NR4A3: variants seen among roughly 807,000 people sequenced by gnomAD.
The protein encoded by NR4A3 is nuclear receptor subfamily 4 group A member 3, also known as chondrosarcoma, extraskeletal myxoid, fused to EWS.
In NR4A3, 13 loss-of-function variants were observed where a neutral mutation model predicts 55.6. The ratio of observed to expected loss-of-function variants is 0.23; its 90% CI spans 0.15 to 0.37. The LOEUF (loss-of-function observed/expected upper bound fraction) is 0.37, where lower values mean the gene tolerates loss of function less well. Among genes scored for constraint, NR4A3 ranks in the 10% least tolerant of loss-of-function variants. The pLI, the probability that NR4A3 is intolerant of heterozygous loss-of-function variation, is 1.00. For synonymous variants in NR4A3, 342 were observed against 357.9 expected, an observed-to-expected ratio of 0.96 and a Z score of 0.50; for missense variants, 646 against 822.8, an observed-to-expected ratio of 0.79 and a Z score of 2.63.
intron 5 of NR4A3, among the ~76,000 whole-genome samples, chr9:99,838,831 C>A (rs543208205): frequency 1.3e-5 from 2 of 152,322 alleles, no homozygotes; most frequent in South Asian, 4.1e-4. Context: ...TTGGATGATT[C>A]TTTGGCACAC....
chr9:99,827,290 G>GTGTA (rs1554690807), intron 2 of NR4A3, among the ~76,000 whole-genome samples: 228 of 139,096 alleles, frequency 1.6e-3, no homozygotes, highest in African/African-American at 5.5e-3. Context: ...GTGTGTGTGT[G>GTGTA]TATATATATA....
chr9:99,841,942 C>T (rs1043070506), intron 5 of NR4A3, among the ~76,000 whole-genome samples: 5 of 152,012 alleles, frequency 3.3e-5, no homozygotes, highest in Non-Finnish European at 7.4e-5. Context: ...TGCACTCCAG[C>T]CTGAGGAACA....
At position 99,828,860 on chromosome 9, in the gene NR4A3, A is replaced by G; in HGVS notation, c.818A>G (p.Glu273Gly). ...CCTACCGCGTCCAGCCTGCTGGGCGAGAGTCCCAGCCTGCCGTCGCCGCCC... is the reference window on the plus strand; with the variant it reads ...CCTACCGCGTCCAGCCTGCTGGGCGGGAGTCCCAGCCTGCCGTCGCCGCCC... Reference protein sequence around the residue: ...PSPTASSLLGESPSLPSPPSR... With the variant: ...PSPTASSLLGGSPSLPSPPSR... The change falls in exon 3 of 8, where the codon GAG (glutamate) becomes GGG (glycine). Residue 273 changes from glutamate to glycine, a missense_variant. Coordinates refer to ENST00000395097, the MANE Select transcript of NR4A3 (RefSeq NM_006981.4). This position sits in a 1 kb window ranked among gnomAD's most constrained non-coding sequence, Gnocchi z 7.7. The G allele has an allele frequency of 1.3e-6, 2 of 1,497,974 alleles. No individual in the cohort carries two copies. Among genetic ancestry groups the G allele is most frequent in the Non-Finnish European group, 8.9e-7 (1 of 1,128,100 alleles). The allele number at this position is 1,497,974 out of a possible 1,614,324, so 92.8% of individuals were successfully genotyped here. A position where few individuals can be genotyped will look rare whatever the true frequency, so the allele number is the denominator to read the frequency against.
At chr9:99,826,534 G>T (rs1385894584) in intron 2 of NR4A3, among the ~76,000 whole-genome samples, 1 of 152,212 alleles carries the variant, frequency 6.6e-6, no homozygotes, top group Non-Finnish European at 1.5e-5. Flanking sequence ...AATCCTAGAG[G>T]TGCTGAAGGG....
At chr9:99,835,125 T>G (rs922517267) in intron 5 of NR4A3, 1 of 162,456 alleles carries the variant, frequency 6.2e-6, no homozygotes, top group African/African-American at 2.4e-5. Flanking sequence ...ACAATTATAC[T>G]TGTCAAAGCT....
chr9:99,860,128 C>T (rs1337646985), intron 7 of NR4A3, among the ~76,000 whole-genome samples: 1 of 152,054 alleles, frequency 6.6e-6, no homozygotes, highest in African/African-American at 2.4e-5. Flanking sequence ...TTCTTTCACC[C>T]TTCTCTATAT....
intron 6 of NR4A3, 141 bp downstream of exon 6, chr9:99,844,989 G>A (rs940165943): frequency 1.3e-5 from 9 of 715,374 alleles, no homozygotes; most frequent in South Asian, 7.1e-5. Flanking sequence ...ACTGAGCAGC[G>A]AGTCACGGAG....
chr9:99,838,599 C>T (rs1827600196), intron 5 of NR4A3, among the ~76,000 whole-genome samples: 1 of 152,228 alleles, frequency 6.6e-6, no homozygotes, highest in African/African-American at 2.4e-5. Flanking sequence ...CTCCAGGCTT[C>T]TCATTCCCTG....
At chr9:99,829,112 C>CTT in intron 3 of NR4A3, 119 bp downstream of exon 3, 2 of 1,143,572 alleles carry the variant, frequency 1.7e-6, no homozygotes, top group Non-Finnish European at 1.1e-6. Context: ...GCACATCATG[C>CTT]TTTCCTACAG....
chr9:99,859,612 T>G (rs1042671918), intron 7 of NR4A3, among the ~76,000 whole-genome samples: 1 of 152,168 alleles, frequency 6.6e-6, no homozygotes, highest in African/African-American at 2.4e-5. Flanking sequence ...GAGGTATCGA[T>G]CTCCACTTGA....
At chr9:99,846,915 T>C (rs549215038) in intron 6 of NR4A3, among the ~76,000 whole-genome samples, 4 of 152,370 alleles carry the variant, frequency 2.6e-5, no homozygotes, top group South Asian at 2.1e-4. Flanking sequence ...CCCAAAGTGC[T>C]GGGCTTGCAG....
chr9:99,832,848 G>C, intron 4 of NR4A3, 30 bp downstream of exon 4: 1 of 1,434,510 alleles, frequency 7.0e-7, no homozygotes, highest in Non-Finnish European at 9.3e-7. Flanking sequence ...TACCCAGTTT[G>C]CTTATACATA....
intron 5 of NR4A3, among the ~76,000 whole-genome samples, chr9:99,842,306 C>T (rs1827667435): frequency 6.6e-6 from 1 of 152,112 alleles, no homozygotes; most frequent in Non-Finnish European, 1.5e-5. Context: ...ACTATTCTTT[C>T]ATTGAAAAAA....
In NR4A3 at chr9:99,864,091, G is replaced by A. The variant is rs148084500; in HGVS notation, c.*224G>A. On this transcript the variant is annotated 3_prime_UTR_variant, in exon 8 of 8. Coordinates refer to ENST00000395097, the MANE Select transcript of NR4A3 (RefSeq NM_006981.4). ...GGGTTGTGTTTTATATTTAGGCATT[G>A]GGGGATGGGGTGGGAGGGGGTTATA... The A allele has an allele frequency of 5.8e-4, 270 of 464,170 alleles. 1 individual carries two copies. The highest frequency in any genetic ancestry group is 3.6e-4 in the East Asian group (10 of 28,138). The allele number at this position is 464,170 out of a possible 1,614,324, so 28.8% of individuals were successfully genotyped here.
At chr9:99,862,831 G>A (rs530620651) in intron 7 of NR4A3, among the ~76,000 whole-genome samples, 3 of 152,218 alleles carry the variant, frequency 2.0e-5, no homozygotes, top group African/African-American at 7.2e-5. Context: ...TAAGATACTG[G>A]TATTTGTGTC....
intron 7 of NR4A3, among the ~76,000 whole-genome samples, chr9:99,850,560 C>A (rs1245107853): frequency 1.3e-5 from 2 of 152,126 alleles, no homozygotes; most frequent in Non-Finnish European, 2.9e-5. Flanking sequence ...AGCCCGCTGC[C>A]CATTTATGTG....
intron 2 of NR4A3, chr9:99,826,812 G>A (rs1411011051): frequency 1.2e-6 from 2 of 1,609,898 alleles, no homozygotes; most frequent in Non-Finnish European, 8.5e-7. Flanking sequence ...GTAAGAGAAA[G>A]ATGTCAAAGG....
At position 99,847,515 on chromosome 9, in the gene NR4A3, G is replaced by C. The variant is rs1182257837; in HGVS notation, c.1533G>C (p.Gly511=). The C allele has an allele frequency of 9.9e-6, 16 of 1,614,172 alleles. No homozygotes were observed. The highest frequency in any genetic ancestry group is 1.4e-5 in the Non-Finnish European group (16 of 1,180,020). Residue 511 remains glycine, a synonymous_variant, in exon 7 of 8, where the codon GGG becomes GGC. Coordinates refer to ENST00000395097, the MANE Select transcript of NR4A3 (RefSeq NM_006981.4). ...LHRLQCLRGF[G]EWLDSIKDFS... ...GACTTCAGTGCCTTCGTGGATTTGGGGAGTGGCTCGACTCTATTAAAGACT... is the reference window on the plus strand; with the variant it reads ...GACTTCAGTGCCTTCGTGGATTTGGCGAGTGGCTCGACTCTATTAAAGACT...
intron 7 of NR4A3, among the ~76,000 whole-genome samples, chr9:99,851,007 T>C (rs1464993785): frequency 6.6e-6 from 1 of 152,208 alleles, no homozygotes; most frequent in African/African-American, 2.4e-5. Flanking sequence ...CAAAGGAGGA[T>C]AGTGATATTA....
Sources: gnomAD v4.1 joint callset for allele counts (sites outside exome capture counted in the v4.1 genomes callset) on GRCh38, gnomAD v4.1.1 for gene constraint, Gnocchi (gnomAD v3.1) non-coding constraint, MANE v1.5 for transcripts, NCBI Gene and HGNC (gene_info 2026-07-23, HGNC 2026-07-21) for gene names.